Variants in SPAG16 observed in about 807,000 individuals in gnomAD.
SPAG16 encodes sperm-associated antigen 16 protein.
Under a neutral mutation model 80.4 loss-of-function variants are expected in SPAG16, and 86 were observed. The ratio of observed to expected loss-of-function variants is 1.07; its 90% CI spans 0.90 to 1.28. The LOEUF (loss-of-function observed/expected upper bound fraction) is 1.28, where lower values mean the gene tolerates loss of function less well. Ranked by LOEUF, SPAG16 falls within the 50% of genes most tolerant of loss-of-function variation. The pLI is 0.00. For missense variants in SPAG16, 870 were observed against 765.3 expected (o/e 1.14, Z -1.61); for synonymous variants, 294 against 265.9 (o/e 1.11, Z -1.03).
chr2:213,402,105 C>A (rs2068340671), intron 9 of SPAG16, among the ~76,000 whole-genome samples: 1 of 151,834 alleles, frequency 6.6e-6, no homozygotes, highest in East Asian at 1.9e-4. Flanking sequence ...ATTTTTCTAA[C>A]TGGTTTTAGG....
intron 9 of SPAG16, among the ~76,000 whole-genome samples, chr2:213,438,728 G>A (rs926508944): frequency 9.2e-5 from 14 of 152,212 alleles, no homozygotes; most frequent in African/African-American, 2.9e-4. Flanking sequence ...ATGTAAAAGG[G>A]GATTTTTACA....
At chr2:213,892,569 A>T (rs910032914) in intron 11 of SPAG16, among the ~76,000 whole-genome samples, 1 of 152,160 alleles carries the variant, frequency 6.6e-6, no homozygotes, top group South Asian at 2.1e-4. Flanking sequence ...ATAACACAGA[A>T]AAGAAATTCA....
chr2:213,824,957 T>C (rs12997945), intron 10 of SPAG16, among the ~76,000 whole-genome samples: 38,495 of 151,998 alleles, frequency 0.25, 5,318 homozygotes, highest in Middle Eastern at 0.39. Context: ...TGGTTAATTC[T>C]TAGATATTTA....
intron 1 of SPAG16, among the ~76,000 whole-genome samples, chr2:213,288,326 A>G (rs1031099353): frequency 6.6e-6 from 1 of 152,062 alleles, no homozygotes; most frequent in East Asian, 1.9e-4. Context: ...ATTTTTTGAG[A>G]CGGAGTCTCG....
At chr2:214,004,355 A>G (rs948155742) in intron 12 of SPAG16, among the ~76,000 whole-genome samples, 51 of 152,246 alleles carry the variant, frequency 3.3e-4, no homozygotes, top group African/African-American at 1.1e-3. Context: ...AAAAAATTAC[A>G]AAGTGTTGGT....
chr2:213,309,566 A>G (rs2063095773), intron 3 of SPAG16, among the ~76,000 whole-genome samples: 1 of 152,036 alleles, frequency 6.6e-6, no homozygotes, highest in African/African-American at 2.4e-5. Context: ...TATCCTTTAG[A>G]CAATCCAATC....
chr2:214,328,874 G>A lies in SPAG16; in HGVS notation c.1721-81266G>A, dbSNP rs182586971. On this transcript the variant is annotated intron_variant, in intron 15 of 15. Transcript: ENST00000331683. ...TGACTACTTATTAGGTTCTAGGCACGGGGGAAGGCACTTTATGTATCATTT... is the reference window on the plus strand; with the variant it reads ...TGACTACTTATTAGGTTCTAGGCACAGGGGAAGGCACTTTATGTATCATTT... 2.0e-4 allele frequency among the ~76,000 whole-genome samples: 30 copies of A among 152,160 alleles called. No homozygotes were observed. The East Asian group carries it at 4.3e-3, about 22-fold the overall frequency.
chr2:214,141,193 G>T (rs1461709047), intron 14 of SPAG16, among the ~76,000 whole-genome samples: 1 of 152,004 alleles, frequency 6.6e-6, no homozygotes, highest in Non-Finnish European at 1.5e-5. Context: ...TTTTGCCTGG[G>T]CACGGTGGCT....
intron 10 of SPAG16, among the ~76,000 whole-genome samples, chr2:213,545,325 T>G (rs2076577995): frequency 6.6e-6 from 1 of 152,164 alleles, no homozygotes; most frequent in African/African-American, 2.4e-5. Flanking sequence ...TTTCTTATTG[T>G]TGAGTTGTTG....
At chr2:213,379,137 C>T (rs1418706410) in intron 9 of SPAG16, among the ~76,000 whole-genome samples, 1 of 152,160 alleles carries the variant, frequency 6.6e-6, no homozygotes, top group Non-Finnish European at 1.5e-5. Flanking sequence ...ACCTCTAGGC[C>T]AGCAGGATCA....
intron 10 of SPAG16, among the ~76,000 whole-genome samples, chr2:213,671,760 C>A (rs2063820506): frequency 6.6e-6 from 1 of 152,008 alleles, no homozygotes; most frequent in Admixed American, 6.6e-5. Context: ...GATGCCAGAT[C>A]TACTTAGAGC....
intron 10 of SPAG16, among the ~76,000 whole-genome samples, chr2:213,615,913 G>A (rs1487555321): frequency 1.3e-5 from 2 of 151,992 alleles, no homozygotes; most frequent in Non-Finnish European, 1.5e-5. Context: ...GCAAGGGGAG[G>A]GATAGCATTA....
chr2:213,320,945 C>T (rs1473949939), intron 5 of SPAG16, among the ~76,000 whole-genome samples: 1 of 151,984 alleles, frequency 6.6e-6, no homozygotes, highest in Non-Finnish European at 1.5e-5. Flanking sequence ...AGTGTTTAAT[C>T]ATCTAGGTTT....
At chr2:213,379,602 C>A (rs2125232164) in intron 9 of SPAG16, among the ~76,000 whole-genome samples, 1 of 152,284 alleles carries the variant, frequency 6.6e-6, no homozygotes, top group East Asian at 1.9e-4. Context: ...ATAGGCAAAC[C>A]CATATCCAGA....
chr2:213,823,960 T>C (rs1372759126), intron 10 of SPAG16, among the ~76,000 whole-genome samples: 4 of 152,354 alleles, frequency 2.6e-5, no homozygotes, highest in Admixed American at 6.5e-5. Context: ...GCAATTGCTT[T>C]TGGCATTTTT....
chr2:213,823,522 G>A lies in SPAG16; in HGVS notation c.1071-38963G>A, dbSNP rs541444593. Among the ~76,000 whole-genome samples, 11 of 152,078 alleles carry A rather than the reference G, an allele frequency of 7.2e-5. 2 individuals carry two copies. Among genetic ancestry groups the A allele is most frequent in the African/African-American group, 2.4e-4 (10 of 41,512 alleles). Reference sequence around the variant, plus strand: ...ATTCCAGGCATGTGCCACCATGCCCGACTAATTTTGTATTTTTAGTAGAGA... The same window carrying A: ...ATTCCAGGCATGTGCCACCATGCCCAACTAATTTTGTATTTTTAGTAGAGA... On this transcript the variant is annotated intron_variant, in intron 10 of 15. Coordinates refer to ENST00000331683, the MANE Select transcript of SPAG16 (RefSeq NM_024532.5).
At chr2:213,637,630 G>T (rs1289670763) in intron 10 of SPAG16, among the ~76,000 whole-genome samples, 1 of 152,116 alleles carries the variant, frequency 6.6e-6, no homozygotes, top group Non-Finnish European at 1.5e-5. Flanking sequence ...CTTGTTATTG[G>T]TCTGTTGAGA....
chr2:214,085,748 A>G (rs1417384685), intron 13 of SPAG16, among the ~76,000 whole-genome samples: 1 of 152,178 alleles, frequency 6.6e-6, no homozygotes, highest in Non-Finnish European at 1.5e-5. Context: ...AGGACACTTC[A>G]CTGTCTACCA....
At chr2:213,376,167 C>T (rs1316570240) in intron 9 of SPAG16, among the ~76,000 whole-genome samples, 1 of 151,514 alleles carries the variant, frequency 6.6e-6, no homozygotes, top group East Asian at 1.9e-4. Flanking sequence ...GAGGTAGACT[C>T]ACATCAGATT....
Sources: gnomAD v4.1 joint callset for allele counts (sites outside exome capture counted in the v4.1 genomes callset) on GRCh38, gnomAD v4.1.1 for gene constraint, MANE v1.5 for transcripts, NCBI Gene and HGNC (gene_info 2026-07-23, HGNC 2026-07-21) for gene names.